AGMO: variants seen among roughly 807,000 people sequenced by gnomAD.
The protein encoded by AGMO is alkylglycerol monooxygenase.
In AGMO, 75 loss-of-function variants were observed where a neutral mutation model predicts 60.2. That is an observed-to-expected ratio of 1.25 (90% confidence interval 1.03 to 1.51). The LOEUF (loss-of-function observed/expected upper bound fraction) is 1.51. Ranked by LOEUF, AGMO falls within the 40% of genes most tolerant of loss-of-function variation. The probability of loss-of-function intolerance (pLI) is 0.00; values close to 1 mark genes in which losing one functional copy is unlikely to be tolerated. For missense variants in AGMO, 763 were observed against 525.5 expected (o/e 1.45, Z -4.42); for synonymous variants, 261 against 177.1 (o/e 1.47, Z -3.76).
chr7:15,327,968 G>A (rs1298082011), intron 12 of AGMO, among the ~76,000 whole-genome samples: 2 of 151,612 alleles, frequency 1.3e-5, no homozygotes, highest in Non-Finnish European at 2.9e-5. Context: ...TTGAGACAGG[G>A]TCTCACTATG....
downstream of AGMO, among the ~76,000 whole-genome samples, chr7:15,195,951 C>T (rs573324058): frequency 6.6e-6 from 1 of 152,166 alleles, no homozygotes; most frequent in Admixed American, 6.5e-5. Context: ...CATTCACTCT[C>T]CAGCTTGCTG....
At chr7:15,412,291 A>G (rs1437585304) in intron 5 of AGMO, among the ~76,000 whole-genome samples, 1 of 152,060 alleles carries the variant, frequency 6.6e-6, no homozygotes, top group Non-Finnish European at 1.5e-5. Context: ...TTATTTGAGT[A>G]TAGAGTGTTG....
intron 3 of AGMO, among the ~76,000 whole-genome samples, chr7:15,434,599 C>T (rs758624427): frequency 6.6e-6 from 1 of 152,120 alleles, no homozygotes; most frequent in Non-Finnish European, 1.5e-5. Context: ...TCATGAAGAA[C>T]TGAATTCTGC....
intron 3 of AGMO, among the ~76,000 whole-genome samples, chr7:15,499,380 A>AC: frequency 6.6e-6 from 1 of 152,096 alleles, no homozygotes; most frequent in Middle Eastern, 3.4e-3. Context: ...AAAAGTTGTA[A>AC]CATACTTCAT....
the AGMO span, among the ~76,000 whole-genome samples, chr7:15,161,404 A>C: frequency 8.6e-3 from 1,295 of 150,438 alleles, 23 homozygotes; most frequent in African/African-American, 0.029. Flanking sequence ...AAATCTCTCT[A>C]TCTCTCTCTC....
chr7:15,288,550 A>T (rs1784165163), intron 12 of AGMO, among the ~76,000 whole-genome samples: 1 of 152,122 alleles, frequency 6.6e-6, no homozygotes, highest in Admixed American at 6.5e-5. Flanking sequence ...TTTCACATCC[A>T]AATCAGTCTA....
chr7:15,322,961 G>A (rs1387242743), intron 12 of AGMO, among the ~76,000 whole-genome samples: 3 of 79,574 alleles, frequency 3.8e-5, no homozygotes, highest in Admixed American at 2.0e-4. Flanking sequence ...TATATAACAC[G>A]TGTGTGTATA....
In AGMO at chr7:15,439,169, T is replaced by C. The variant is rs574364046; in HGVS notation, c.410-8061A>G. ...ATCCCAGCACTTTGGGAGGCCAAGG[T>C]GGGCATATCACGAAGTCAAGAGATC... On this transcript the variant is annotated intron_variant, in intron 3 of 12. Coordinates refer to ENST00000342526, the MANE Select transcript of AGMO (RefSeq NM_001004320.2). Among the ~76,000 whole-genome samples, 4 of 152,206 alleles carry C rather than the reference T, an allele frequency of 2.6e-5. No homozygotes were observed. The East Asian group carries it at 5.8e-4, about 22-fold the overall frequency.
At chr7:15,359,494 G>C (rs903485671) in intron 12 of AGMO, among the ~76,000 whole-genome samples, 17 of 152,076 alleles carry the variant, frequency 1.1e-4, no homozygotes, top group African/African-American at 2.4e-4. Context: ...ACATTGAGAA[G>C]AGTCAAAGTG....
In AGMO at chr7:15,375,285, G is replaced by T. The variant is rs1222232085; in HGVS notation, c.1075-9063C>A. ...TTATTTTCTTACTAAGAAACAAGTG[G>T]ATCTACAAACTAAATACCTTTTCAT... On this transcript the variant is annotated intron_variant, in intron 10 of 12. Coordinates refer to ENST00000342526, the MANE Select transcript of AGMO (RefSeq NM_001004320.2). Among the ~76,000 whole-genome samples the T allele has an allele frequency of 2.0e-5, 3 of 151,610 alleles. No individual in the cohort carries two copies. In the East Asian group the frequency reaches 5.8e-4, roughly 29 times the overall value.
chr7:15,408,521 G>A (rs1784762574), intron 5 of AGMO, among the ~76,000 whole-genome samples: 1 of 151,824 alleles, frequency 6.6e-6, no homozygotes, highest in Non-Finnish European at 1.5e-5. Context: ...AACTCAACCA[G>A]TGTATAATGA....
intron 3 of AGMO, among the ~76,000 whole-genome samples, chr7:15,433,475 T>A (rs1163931673): frequency 6.6e-6 from 1 of 152,106 alleles, no homozygotes; most frequent in Non-Finnish European, 1.5e-5. Flanking sequence ...TCACAGTCTA[T>A]ATTCAGCTTA....
chr7:15,265,625 T>A (rs1289324331), intron 12 of AGMO, among the ~76,000 whole-genome samples: 1 of 151,966 alleles, frequency 6.6e-6, no homozygotes, highest in Non-Finnish European at 1.5e-5. Context: ...AAAAAAATGT[T>A]AATTTCAAAA....
At chr7:15,480,709 G>A (rs1782725317) in intron 3 of AGMO, among the ~76,000 whole-genome samples, 1 of 152,034 alleles carries the variant, frequency 6.6e-6, no homozygotes, top group African/African-American at 2.4e-5. Context: ...AAATTTTATA[G>A]TTTGGATCTT....
chr7:15,355,964 C>T (rs975823741), intron 12 of AGMO, among the ~76,000 whole-genome samples: 2 of 117,770 alleles, frequency 1.7e-5, no homozygotes, highest in Non-Finnish European at 3.4e-5. Flanking sequence ...ACACAAATTC[C>T]TTCAAACATA....
chr7:15,423,344 T>C (rs915163697), intron 4 of AGMO, among the ~76,000 whole-genome samples: 2 of 152,206 alleles, frequency 1.3e-5, no homozygotes, highest in Non-Finnish European at 2.9e-5. Flanking sequence ...AAGACATATC[T>C]ACTTAGATTT....
chr7:15,516,238 AAG>A (rs530178524), intron 3 of AGMO, among the ~76,000 whole-genome samples: 17 of 151,522 alleles, frequency 1.1e-4, no homozygotes, highest in African/African-American at 2.2e-4. Context: ...TTAAAAAAGG[AAG>A]AGAGAGAGAG....
At chr7:15,216,131 A>C (rs1339796966) in intron 12 of AGMO, among the ~76,000 whole-genome samples, 1 of 152,086 alleles carries the variant, frequency 6.6e-6, no homozygotes, top group Non-Finnish European at 1.5e-5. Context: ...TGGGTTTTCA[A>C]CATAAATCAG....
intron 12 of AGMO, among the ~76,000 whole-genome samples, chr7:15,291,716 G>A (rs2128522318): frequency 6.6e-6 from 1 of 152,244 alleles, no homozygotes; most frequent in South Asian, 2.1e-4. Context: ...AGGATTCACG[G>A]CCTAGCACAG....
Sources: gnomAD v4.1 joint callset for allele counts (sites outside exome capture counted in the v4.1 genomes callset) on GRCh38, gnomAD v4.1.1 for gene constraint, MANE v1.5 for transcripts, NCBI Gene and HGNC (gene_info 2026-07-23, HGNC 2026-07-21) for gene names.